The following SEMA6D variants were observed in gnomAD, a reference collection of about 807,000 sequenced individuals.
SEMA6D encodes the protein semaphorin 6D.
Under a neutral mutation model 106.6 loss-of-function variants are expected in SEMA6D, and 35 were observed. The ratio of observed to expected loss-of-function variants is 0.33; its 90% confidence interval spans 0.25 to 0.44. The LOEUF (loss-of-function observed/expected upper bound fraction) is 0.44. Among genes scored for constraint, SEMA6D ranks in the 20% least tolerant of loss-of-function variants. The pLI is 1.00. For synonymous variants in SEMA6D, 499 were observed against 487.7 expected (o/e 1.02, Z -0.31); for missense variants, 1,185 against 1,345.9 (o/e 0.88, Z 1.87).
intron 13 of SEMA6D, chr15:47,765,557 AC>A: frequency 1.4e-6 from 1 of 695,508 alleles, no homozygotes; most frequent in Non-Finnish European, 1.9e-6. Context: ...ACCATCTAAC[AC>A]AGGAAAATTT....
At chr15:47,189,318 G>C (rs888414877) in intron 1 of SEMA6D, among the ~76,000 whole-genome samples, 1 of 152,090 alleles carries the variant, frequency 6.6e-6, no homozygotes, top group African/African-American at 2.4e-5. Flanking sequence ...TGTAAATACA[G>C]TATTTGTTCT....
At chr15:47,190,414 T>A (rs1893881920) in intron 1 of SEMA6D, among the ~76,000 whole-genome samples, 1 of 152,236 alleles carries the variant, frequency 6.6e-6, no homozygotes, top group African/African-American at 2.4e-5. Flanking sequence ...GGAAATCCTG[T>A]ATTATTCTCT....
intron 3 of SEMA6D, among the ~76,000 whole-genome samples, chr15:47,528,464 C>T (rs766776993): frequency 6.6e-6 from 1 of 152,148 alleles, no homozygotes; most frequent in Non-Finnish European, 1.5e-5. Context: ...GGCCATTTAA[C>T]TTGTATCTTA....
intron 1 of SEMA6D, among the ~76,000 whole-genome samples, chr15:47,227,466 T>TTCTTTCC (rs2031790610): frequency 1.8e-5 from 1 of 55,284 alleles, no homozygotes; most frequent in African/African-American, 9.4e-5. Flanking sequence ...TTTTCTTTCT[T>TTCTTTCC]TTTCTTTCTC....
At chr15:47,734,166 C>T (rs1049038113) in intron 1 of SEMA6D, among the ~76,000 whole-genome samples, 2 of 152,134 alleles carry the variant, frequency 1.3e-5, no homozygotes, top group Non-Finnish European at 2.9e-5. Flanking sequence ...TCAACCTGTC[C>T]CTCAGTCGTA....
intron 1 of SEMA6D, among the ~76,000 whole-genome samples, chr15:47,376,691 C>T (rs890413625): frequency 6.6e-6 from 1 of 152,170 alleles, no homozygotes; most frequent in Non-Finnish European, 1.5e-5. Flanking sequence ...AGCACTGGCT[C>T]TTTATTAGGT....
intron 1 of SEMA6D, among the ~76,000 whole-genome samples, chr15:47,307,493 G>A (rs964012699): frequency 2.0e-5 from 3 of 152,078 alleles, no homozygotes; most frequent in Non-Finnish European, 4.4e-5. Flanking sequence ...GGAAAAATAT[G>A]AATTTTCTCA....
intron 1 of SEMA6D, among the ~76,000 whole-genome samples, chr15:47,357,396 C>A (rs921929504): frequency 2.0e-5 from 3 of 151,950 alleles, no homozygotes; most frequent in African/African-American, 7.3e-5. Flanking sequence ...GCAAAATACT[C>A]CAAAACAAAA....
At chr15:47,749,896 G>A (rs1239621064) in intron 1 of SEMA6D, among the ~76,000 whole-genome samples, 2 of 152,154 alleles carry the variant, frequency 1.3e-5, no homozygotes, top group Non-Finnish European at 2.9e-5. Flanking sequence ...GGAGCAGCTA[G>A]GGAGGTGGGA....
chr15:47,513,399 A>G (rs1324511283), intron 3 of SEMA6D, among the ~76,000 whole-genome samples: 1 of 152,158 alleles, frequency 6.6e-6, no homozygotes, highest in African/African-American at 2.4e-5. Context: ...CTATTCCACT[A>G]CATTTTCCTT....
chr15:47,225,915 A>G (rs2031628856), intron 1 of SEMA6D, among the ~76,000 whole-genome samples: 2 of 152,238 alleles, frequency 1.3e-5, no homozygotes, highest in Middle Eastern at 3.4e-3. Flanking sequence ...ACACACAGAC[A>G]TACACACATA....
At chr15:47,761,875 G>A (rs8023364) in intron 7 of SEMA6D, 124 bp downstream of exon 7, 191,620 of 830,050 alleles carry the variant, frequency 0.23, 24,539 homozygotes, top group Middle Eastern at 0.27. Flanking sequence ...CGAAAGGCTA[G>A]AATCTATGCA....
intron 1 of SEMA6D, among the ~76,000 whole-genome samples, chr15:47,306,944 C>T (rs942033302): frequency 6.6e-6 from 1 of 152,090 alleles, no homozygotes; most frequent in African/African-American, 2.4e-5. Flanking sequence ...GTGCGTATGC[C>T]ACTTTGCTAG....
At chr15:47,254,725 T>C (rs937034474) in intron 1 of SEMA6D, among the ~76,000 whole-genome samples, 2 of 152,326 alleles carry the variant, frequency 1.3e-5, no homozygotes, top group African/African-American at 4.8e-5. Context: ...TGTTTACTGA[T>C]TTGCCCATTT....
chr15:47,557,291 G>T lies in SEMA6D; in HGVS notation c.-86-43574G>T, dbSNP rs552320887. 1.2e-4 allele frequency among the ~76,000 whole-genome samples: 19 copies of T among 152,198 alleles called. No homozygotes were observed. In the South Asian group the frequency reaches 3.7e-3, roughly 30 times the overall value. On this transcript the variant is annotated intron_variant, in intron 3 of 19. Transcript: ENST00000558014. ...CACTTTTGCAAAGTTCTCTCACCTG[G>T]TTAAAATGAAAACATAGACTTCACA...
At chr15:47,675,613 G>A (rs1057193358) in intron 4 of SEMA6D, among the ~76,000 whole-genome samples, 8 of 152,112 alleles carry the variant, frequency 5.3e-5, no homozygotes, top group Non-Finnish European at 8.8e-5. Flanking sequence ...CTCCCTAAGA[G>A]GCATTGATAT....
chr15:47,232,969 T>C (rs1042759141), intron 1 of SEMA6D, among the ~76,000 whole-genome samples: 1 of 152,016 alleles, frequency 6.6e-6, no homozygotes, highest in East Asian at 1.9e-4. Flanking sequence ...GTAATGTTTT[T>C]GTTTGCTGAT....
At chr15:47,224,954 G>C (rs189231954) in intron 1 of SEMA6D, among the ~76,000 whole-genome samples, 124 of 151,914 alleles carry the variant, frequency 8.2e-4, no homozygotes, top group African/African-American at 2.8e-3. Flanking sequence ...AATAGCAGCA[G>C]ATCCTTGTTC....
At chr15:47,495,214 C>G (rs1440175187) in intron 3 of SEMA6D, among the ~76,000 whole-genome samples, 1 of 151,688 alleles carries the variant, frequency 6.6e-6, no homozygotes, top group Non-Finnish European at 1.5e-5. Flanking sequence ...ATAATTTGTG[C>G]AACTGTGTAT....
Sources: allele counts gnomAD v4.1 joint callset (sites outside exome capture counted in the v4.1 genomes callset), GRCh38; gene constraint gnomAD v4.1.1; transcripts MANE v1.5; gene names NCBI Gene and HGNC (gene_info 2026-07-23, HGNC 2026-07-21).